Variants in ZNF324B observed in about 807,000 individuals in gnomAD.
ZNF324B encodes the protein zinc finger protein 324B.
ZNF324B carries 7 observed loss-of-function variants against 10.6 expected under a neutral mutation model. The observed-to-expected ratio is 0.66, with a 90% CI of 0.38 to 1.24. The LOEUF (loss-of-function observed/expected upper bound fraction) is 1.24. ZNF324B is among the 50% of genes most tolerant of loss of function. The pLI, the probability that ZNF324B is intolerant of heterozygous loss-of-function variation, is 0.02. For synonymous variants in ZNF324B, 316 were observed against 321.0 expected (o/e 0.98, Z 0.17); for missense variants, 640 against 764.7 (o/e 0.84, Z 1.92).
the ZNF324B span, chr19:58,435,374 G>T: frequency 5.2e-6 from 4 of 769,722 alleles, no homozygotes; most frequent in Non-Finnish European, 6.1e-6. Context: ...ATTACTATTG[G>T]CAGGATAGGG....
chr19:58,427,506 T>TCC, the ZNF324B span, among the ~76,000 whole-genome samples: 1 of 91,126 alleles, frequency 1.1e-5, no homozygotes, highest in Admixed American at 1.2e-4. Context: ...TTCTTTCTTT[T>TCC]TCTTTCTTTC....
the ZNF324B span, chr19:58,432,810 A>C: frequency 6.0e-6 from 1 of 167,236 alleles, no homozygotes; most frequent in East Asian, 1.7e-4. Context: ...CCTAAGATTA[A>C]AGGTGACCTG....
At chr19:58,434,090 C>T in the ZNF324B span, 1 of 1,614,040 alleles carries the variant, frequency 6.2e-7, no homozygotes. Flanking sequence ...CCGGTGTGAA[C>T]TTTCTGGTGC....
chr19:58,433,999 G>C, the ZNF324B span: 17 of 1,614,106 alleles, frequency 1.1e-5, 1 homozygote, highest in East Asian at 8.9e-5. Flanking sequence ...CCGTTCTCCA[G>C]TGTGAACTTT....
At chr19:58,421,264 G>T in the ZNF324B span, among the ~76,000 whole-genome samples, 1 of 152,098 alleles carries the variant, frequency 6.6e-6, no homozygotes, top group Non-Finnish European at 1.5e-5. Flanking sequence ...AAAATCCCTT[G>T]AAGGAGGAAT....
chr19:58,449,981 A>G (rs1018975367), upstream of ZNF324B, among the ~76,000 whole-genome samples: 10 of 152,166 alleles, frequency 6.6e-5, no homozygotes, highest in African/African-American at 1.9e-4. Flanking sequence ...TGTGTCCCCA[A>G]CCAAATCTCA....
the ZNF324B span, among the ~76,000 whole-genome samples, chr19:58,424,578 A>G: frequency 6.6e-6 from 1 of 152,206 alleles, no homozygotes; most frequent in East Asian, 1.9e-4. Context: ...AAAAAGACAA[A>G]CATACAAATA....
the ZNF324B span, among the ~76,000 whole-genome samples, chr19:58,438,066 C>G: frequency 1.3e-5 from 2 of 152,188 alleles, no homozygotes; most frequent in Admixed American, 6.5e-5. Flanking sequence ...CCCCAGGACC[C>G]TATTTAAGAA....
the ZNF324B span, chr19:58,437,715 A>T: frequency 1.0e-6 from 1 of 985,360 alleles, no homozygotes; most frequent in Non-Finnish European, 1.2e-6. Flanking sequence ...CTCACCATGC[A>T]CATGGCATAC....
At chr19:58,448,284 G>T (rs1489938097), upstream of ZNF324B, among the ~76,000 whole-genome samples, 1 of 152,232 alleles carries the variant, frequency 6.6e-6, no homozygotes, top group Admixed American at 6.5e-5. Context: ...TATGGGCAAT[G>T]AACTCCAGGC....
At chr19:58,448,153 A>G (rs2052836004), upstream of ZNF324B, among the ~76,000 whole-genome samples, 1 of 152,256 alleles carries the variant, frequency 6.6e-6, no homozygotes, top group Non-Finnish European at 1.5e-5. Flanking sequence ...CAACTTTGGA[A>G]TTGGGTAACA....
At chr19:58,436,168 C>T in the ZNF324B span, 4 of 153,672 alleles carry the variant, frequency 2.6e-5, no homozygotes, top group Middle Eastern at 6.8e-4. Context: ...TGCCTAGGAC[C>T]GGGGGGAAAG....
chr19:58,432,402 T>G, the ZNF324B span: 1 of 460,692 alleles, frequency 2.2e-6, no homozygotes. Context: ...GATGGGGAAC[T>G]ATGGCTATTC....
chr19:58,441,787 G>C, the ZNF324B span: 1 of 152,354 alleles, frequency 6.6e-6, no homozygotes, highest in Admixed American at 6.5e-5. Flanking sequence ...TAGGGCTCAC[G>C]CTCAGTGCTT....
the ZNF324B span, chr19:58,434,403 A>T: frequency 6.2e-7 from 1 of 1,614,262 alleles, no homozygotes; most frequent in Non-Finnish European, 8.5e-7. Context: ...CATCACACTC[A>T]TAAGGTCTTT....
intron 1 of ZNF324B, chr19:58,452,570 C>T: frequency 1.0e-5 from 3 of 300,118 alleles, no homozygotes; most frequent in Non-Finnish European, 1.5e-5. Context: ...GTTGTTCAGC[C>T]TGAGCGCCTG....
the ZNF324B span, chr19:58,433,176 C>T: frequency 1.2e-6 from 1 of 833,806 alleles, no homozygotes; most frequent in Non-Finnish European, 1.8e-6. Flanking sequence ...GCAAAGGTTC[C>T]TGGGCTGGTC....
chr19:58,454,424 C>A, intron 3 of ZNF324B, 80 bp downstream of exon 3: 1 of 898,108 alleles, frequency 1.1e-6, no homozygotes, highest in Non-Finnish European at 1.9e-6. Context: ...ACTCTGGAAA[C>A]ACATCCTCCT....
chr19:58,449,115 A>G (rs1203259370), upstream of ZNF324B, among the ~76,000 whole-genome samples: 1 of 152,212 alleles, frequency 6.6e-6, no homozygotes, highest in Non-Finnish European at 1.5e-5. Flanking sequence ...TGCTTGAACT[A>G]TGGCTAAAAG....
Sources: allele counts gnomAD v4.1 joint callset (sites outside exome capture counted in the v4.1 genomes callset), GRCh38; gene constraint gnomAD v4.1.1; transcripts MANE v1.5; gene names NCBI Gene and HGNC (gene_info 2026-07-23, HGNC 2026-07-21).